SHANK2: variants seen among roughly 807,000 people sequenced by gnomAD.
SHANK2 encodes the protein SH3 and multiple ankyrin repeat domains 2.
A neutral mutation model predicts 133.7 loss-of-function variants in SHANK2; 43 were observed. That is an observed-to-expected ratio of 0.32 (90% confidence interval 0.25 to 0.41). SHANK2 has a LOEUF of 0.41. SHANK2 is among the 10% of genes least tolerant of loss of function. The pLI is 1.00. For synonymous variants in SHANK2, 1,017 were observed against 952.8 expected (o/e 1.07, Z -1.24); for missense variants, 1,994 against 2,235.8 (o/e 0.89, Z 2.18).
At position 70,470,770 on chromosome 11, in the gene SHANK2, A is replaced by G. The variant is rs575487249; in HGVS notation, c.*2099T>C. On this transcript the variant is annotated 3_prime_UTR_variant, in exon 26 of 26. Transcript: ENST00000601538. ...CAAGTTGGATTGGATCATTTCAAATACAAAGATTGACCTGCAAAAGGTTTT... is the reference window on the plus strand; with the variant it reads ...CAAGTTGGATTGGATCATTTCAAATGCAAAGATTGACCTGCAAAAGGTTTT... 2.0e-5 allele frequency: 3 copies of G among 152,512 alleles called. No individual in the cohort carries two copies. The South Asian group carries it at 6.2e-4, about 32-fold the overall frequency. The allele number at this position is 152,512 out of a possible 1,614,324, so 9.4% of individuals were successfully genotyped here.
At chr11:70,737,212 T>C (rs1591799799) in intron 14 of SHANK2, among the ~76,000 whole-genome samples, 2 of 152,110 alleles carry the variant, frequency 1.3e-5, no homozygotes, top group East Asian at 3.9e-4. Flanking sequence ...GGCTTCTGGG[T>C]GCAGCTGCAT....
At chr11:70,688,386 T>C (rs1442201413) in intron 15 of SHANK2, among the ~76,000 whole-genome samples, 3 of 152,182 alleles carry the variant, frequency 2.0e-5, no homozygotes, top group Non-Finnish European at 2.9e-5. Context: ...AAGTTGGCCG[T>C]GGCCAGGTCG....
chr11:71,147,018 G>T (rs1414825634), intron 3 of SHANK2, 102 bp downstream of exon 3: 7 of 1,005,968 alleles, frequency 7.0e-6, no homozygotes, highest in Non-Finnish European at 1.0e-5. Flanking sequence ...GCCCAGAGCA[G>T]TCAGGACCGT....
At chr11:70,843,740 T>G (rs1455144575) in intron 11 of SHANK2, among the ~76,000 whole-genome samples, 2 of 152,036 alleles carry the variant, frequency 1.3e-5, no homozygotes, top group Admixed American at 1.3e-4. Context: ...CCAGCCCACC[T>G]GCAGGGCTCT....
intron 11 of SHANK2, among the ~76,000 whole-genome samples, chr11:70,871,037 C>G (rs1949452016): frequency 6.6e-6 from 1 of 152,196 alleles, no homozygotes; most frequent in Admixed American, 6.5e-5. Flanking sequence ...CTCAGCCTCC[C>G]AAAGTGCTGG....
chr11:71,134,062 T>G (rs1590944316), intron 3 of SHANK2, among the ~76,000 whole-genome samples: 1 of 151,578 alleles, frequency 6.6e-6, no homozygotes, highest in Non-Finnish European at 1.5e-5. Flanking sequence ...AGCTTTTACC[T>G]TTCTCGGTGG....
At chr11:70,864,073 A>T (rs1767265904) in intron 11 of SHANK2, 2 of 333,834 alleles carry the variant, frequency 6.0e-6, no homozygotes, top group South Asian at 4.7e-5. Context: ...AGCACAAGAA[A>T]GGGACCCTCC....
Position 71,105,246 on chromosome 11 carries a change from T to A in SHANK2, c.592+4695A>T, listed in dbSNP as rs114145111. ...CGATCTGAAACCCACTGTGTGATTT[T>A]AAGATTCCAGCTCTAGAACATTCTG... On this transcript the variant is annotated intron_variant, in intron 6 of 25. Coordinates refer to ENST00000601538, the MANE Select transcript of SHANK2 (RefSeq NM_012309.5). 2.0e-3 allele frequency among the ~76,000 whole-genome samples: 301 copies of A among 152,302 alleles called. 2 individuals carry two copies. Among genetic ancestry groups the A allele is most frequent in the African/African-American group, 6.8e-3 (283 of 41,556 alleles).
chr11:70,741,185 A>G (rs1555034654), intron 14 of SHANK2, among the ~76,000 whole-genome samples: 3 of 69,134 alleles, frequency 4.3e-5, no homozygotes, highest in South Asian at 8.5e-4. Context: ...CCATCCATCC[A>G]TGCATTCAAC....
chr11:70,922,338 A>C (rs1321746464), intron 10 of SHANK2, among the ~76,000 whole-genome samples: 2 of 152,134 alleles, frequency 1.3e-5, no homozygotes, highest in Non-Finnish European at 1.5e-5. Context: ...TGAAAAATAG[A>C]GCAGAAGTAC....
At chr11:70,484,198 G>A (rs1555152403) in intron 25 of SHANK2, among the ~76,000 whole-genome samples, 3 of 152,194 alleles carry the variant, frequency 2.0e-5, no homozygotes, top group Admixed American at 6.5e-5. Context: ...ACAGACTGCT[G>A]AGCCCTGATA....
intron 1 of SHANK2, among the ~76,000 whole-genome samples, chr11:71,242,082 G>A (rs540946163): frequency 8.5e-5 from 13 of 152,286 alleles, no homozygotes; most frequent in East Asian, 7.7e-4. Context: ...TCTGACACAC[G>A]CTACAACATG....
chr11:70,879,064 G>A (rs1484446948), intron 11 of SHANK2, among the ~76,000 whole-genome samples: 2 of 152,186 alleles, frequency 1.3e-5, no homozygotes, highest in African/African-American at 2.4e-5. Flanking sequence ...GGTCAGGGCA[G>A]CCCATGTGCC....
intron 15 of SHANK2, among the ~76,000 whole-genome samples, chr11:70,683,013 G>C (rs1297670144): frequency 6.6e-6 from 1 of 152,164 alleles, no homozygotes; most frequent in Non-Finnish European, 1.5e-5. Context: ...GAGGGTTGGT[G>C]TGACCGCTGA....
chr11:70,540,064 C>T (rs2059599156), intron 17 of SHANK2, among the ~76,000 whole-genome samples: 1 of 152,172 alleles, frequency 6.6e-6, no homozygotes, highest in Admixed American at 6.5e-5. Context: ...GCCAGTAGAT[C>T]AGGGGCTGCC....
At chr11:70,504,615 A>T (rs2059110595) in intron 17 of SHANK2, among the ~76,000 whole-genome samples, 1 of 152,148 alleles carries the variant, frequency 6.6e-6, no homozygotes, top group African/African-American at 2.4e-5. Context: ...CTGAAGATAG[A>T]GTCTTGGGAG....
At chr11:70,557,557 C>T (rs549304111) in intron 17 of SHANK2, among the ~76,000 whole-genome samples, 1 of 152,144 alleles carries the variant, frequency 6.6e-6, no homozygotes, top group Non-Finnish European at 1.5e-5. Context: ...GTCGGTCTTG[C>T]TGCTAAAGCC....
intron 9 of SHANK2, among the ~76,000 whole-genome samples, chr11:71,069,261 TCACCAC>T (rs1406427725): frequency 6.6e-6 from 1 of 150,956 alleles, no homozygotes; most frequent in Admixed American, 6.6e-5. Context: ...ACTGTCACCA[TCACCAC>T]CACCACCATC....
intron 14 of SHANK2, among the ~76,000 whole-genome samples, chr11:70,724,442 G>A (rs917383102): frequency 6.6e-6 from 1 of 152,162 alleles, no homozygotes; most frequent in Admixed American, 6.5e-5. Context: ...GGCCATAGGT[G>A]TAAAAATGTC....
Sources: gnomAD v4.1 joint callset for allele counts (sites outside exome capture counted in the v4.1 genomes callset) on GRCh38, gnomAD v4.1.1 for gene constraint, MANE v1.5 for transcripts, NCBI Gene and HGNC (gene_info 2026-07-23, HGNC 2026-07-21) for gene names.